The following LAMB1 variants were observed in gnomAD, a reference collection of about 807,000 sequenced individuals.
LAMB1 encodes the protein laminin subunit beta-1.
Under a neutral mutation model 222.3 loss-of-function variants are expected in LAMB1, and 121 were observed. The ratio of observed to expected loss-of-function variants is 0.54; its 90% CI spans 0.47 to 0.63. The LOEUF (loss-of-function observed/expected upper bound fraction) is 0.63. Ranked by LOEUF, LAMB1 falls within the 30% of genes least tolerant of loss-of-function variation. The pLI is 0.00. For missense variants in LAMB1, 2,172 were observed against 2,240.8 expected (o/e 0.97, Z 0.62); for synonymous variants, 794 against 807.2 (o/e 0.98, Z 0.28).
At chr7:107,928,619 G>C (rs988577799) in intron 31 of LAMB1, among the ~76,000 whole-genome samples, 3 of 151,784 alleles carry the variant, frequency 2.0e-5, no homozygotes, top group East Asian at 1.9e-4. Flanking sequence ...TAGCCTCCCA[G>C]GTAGCTGGGA....
intron 14 of LAMB1, among the ~76,000 whole-genome samples, chr7:107,964,136 G>A (rs1584511673): frequency 6.6e-6 from 1 of 152,174 alleles, no homozygotes; most frequent in East Asian, 1.9e-4. Flanking sequence ...CGTGTGGAGA[G>A]AAATGCCCAG....
At chr7:107,976,900 T>A (rs2033871280) in intron 9 of LAMB1, among the ~76,000 whole-genome samples, 3 of 72,146 alleles carry the variant, frequency 4.2e-5, no homozygotes, top group Admixed American at 2.9e-4. Context: ...CTTCCTTTCC[T>A]CTTGCTCCTT....
In LAMB1 at chr7:107,975,059, T is replaced by C; in HGVS notation, c.1409A>G (p.Asn470Ser). ...GTGACCTGTCTCGGAATCACAAGGA[T>C]TCCCTCCAGGAATTGTTCCCAGAGG... ...CNPLGTIPGG[N>S]PCDSETGHCY... The change falls in exon 12 of 34, where the codon AAT becomes AGT. Residue 470 changes from asparagine to serine, a missense_variant. Asn to Ser is a conservative substitution (Grantham distance 46). Transcript: ENST00000222399. 1 of 1,613,384 alleles carries C rather than the reference T, an allele frequency of 6.2e-7. No homozygotes were observed. Among genetic ancestry groups the C allele is most frequent in the Non-Finnish European group, 8.5e-7 (1 of 1,179,382 alleles).
chr7:107,936,985 T>A (rs2032862324), intron 26 of LAMB1, 108 bp downstream of exon 26: 2 of 943,496 alleles, frequency 2.1e-6, no homozygotes, highest in East Asian at 5.1e-5. Flanking sequence ...AGCAAAAGTT[T>A]TAAAATTTAT....
In LAMB1 at chr7:108,002,865, T is replaced by C. The variant is rs1270577148; in HGVS notation, c.21A>G (p.Leu7=). The change falls in exon 2 of 34, where the codon CTA becomes CTG. Residue 7 remains leucine (L), a synonymous_variant. Transcript: ENST00000222399. MGLLQL[L]AFSFLALCRA... ...CGGAATTACCTAAGAAACTGAAAGCTAGCAACTGGAGAAGCCCCATGCCGG... is the reference window on the plus strand; with the variant it reads ...CGGAATTACCTAAGAAACTGAAAGCCAGCAACTGGAGAAGCCCCATGCCGG... 1 of 1,613,952 alleles carries C rather than the reference T, an allele frequency of 6.2e-7. No homozygotes were observed. Among genetic ancestry groups the C allele is most frequent in the African/African-American group, 1.3e-5 (1 of 74,924 alleles).
chr7:107,994,829 A>G (rs2034253422), intron 5 of LAMB1, 58 bp downstream of exon 5: 1 of 893,142 alleles, frequency 1.1e-6, no homozygotes, highest in African/African-American at 1.7e-5. Context: ...CCATTTTGAA[A>G]GGGGACATTA....
At chr7:107,978,238 T>C (rs755861614) in intron 8 of LAMB1, 71 bp from the exon 9 acceptor site, 517 of 1,547,420 alleles carry the variant, frequency 3.3e-4, no homozygotes, top group Admixed American at 5.4e-4. Context: ...CCATAATCAA[T>C]TGAAAGTTTA....
Position 108,003,130 on chromosome 7 carries a change from C to T in LAMB1, c.-106G>A. The T allele has an allele frequency of 1.3e-6, 1 of 771,450 alleles. No homozygotes were observed. The allele number at this position is 771,450 out of a possible 1,614,324, so 47.8% of individuals were successfully genotyped here. A position where few individuals can be genotyped will look rare whatever the true frequency, so the allele number is the denominator to read the frequency against. ...CCTCACCCGGCGACGCGAGCTCTCGCCCTGCTCCGGGAGCCCCCGAGCCCA... is the reference window on the plus strand; with the variant it reads ...CCTCACCCGGCGACGCGAGCTCTCGTCCTGCTCCGGGAGCCCCCGAGCCCA... On this transcript the variant is annotated 5_prime_UTR_variant, in exon 1 of 34. Coordinates refer to ENST00000222399, the MANE Select transcript of LAMB1 (RefSeq NM_002291.3).
chr7:107,961,150 C>G, intron 17 of LAMB1, 56 bp downstream of exon 17: 1 of 1,609,864 alleles, frequency 6.2e-7, no homozygotes, highest in South Asian at 1.1e-5. Context: ...CTGAGAGCAG[C>G]TGGGCACTTT....
chr7:107,943,228 C>T (rs2116365255), intron 24 of LAMB1, among the ~76,000 whole-genome samples: 1 of 152,302 alleles, frequency 6.6e-6, no homozygotes, highest in South Asian at 2.1e-4. Flanking sequence ...CAGCATATTA[C>T]AGACTCAGAA....
Position 107,937,141 on chromosome 7 carries a change from T to C in LAMB1, c.3898A>G (p.Lys1300Glu). Reference protein sequence around the residue: ...TEAESLDNTVKELAEQLEFIK... With the variant: ...TEAESLDNTVEELAEQLEFIK... ...AATTCCAGTTGTTCAGCAAGTTCTTTCACAGTGTTGTCTAGGCTTTCGGCT... is the reference window on the plus strand; with the variant it reads ...AATTCCAGTTGTTCAGCAAGTTCTTCCACAGTGTTGTCTAGGCTTTCGGCT... The change falls in exon 26 of 34, where the codon AAA (lysine) becomes GAA (glutamate). Residue 1300 changes from lysine (K) to glutamate (E), a missense_variant. Physicochemically the swap from Lys to Glu is moderately conservative, Grantham distance 56. Transcript: ENST00000222399. 6.2e-7 allele frequency: 1 copy of C among 1,614,084 alleles called. No homozygotes were observed. The highest frequency in any genetic ancestry group is 1.3e-5 in the African/African-American group (1 of 75,054).
intron 27 of LAMB1, among the ~76,000 whole-genome samples, chr7:107,934,312 G>A (rs1383534814): frequency 6.6e-6 from 1 of 152,190 alleles, no homozygotes; most frequent in Non-Finnish European, 1.5e-5. Flanking sequence ...CTAAGACAAA[G>A]CTGTAATGAA....
At chr7:107,963,097 T>C (rs2033548595) in intron 14 of LAMB1, 34 bp from the exon 15 acceptor site, 3 of 1,525,922 alleles carry the variant, frequency 2.0e-6, no homozygotes, top group South Asian at 1.3e-5. Context: ...TATTCTGTAT[T>C]TGAAATGGAA....
At chr7:108,003,081 A>T (rs1181064027) in intron 1 of LAMB1, 30 bp downstream of exon 1, 3 of 1,211,472 alleles carry the variant, frequency 2.5e-6, no homozygotes, top group Admixed American at 5.8e-5. Flanking sequence ...GAAAGTGGGG[A>T]AAATCGTGCA....
chr7:107,939,438 A>G (rs77690124), intron 25 of LAMB1, among the ~76,000 whole-genome samples: 3,720 of 152,296 alleles, frequency 0.024, 148 homozygotes, highest in African/African-American at 0.084. Flanking sequence ...GGAGAAGCAG[A>G]AAAAACTTGA....
intron 12 of LAMB1, among the ~76,000 whole-genome samples, chr7:107,973,581 G>C (rs1479137854): frequency 1.3e-5 from 2 of 152,146 alleles, no homozygotes; most frequent in African/African-American, 4.8e-5. Context: ...AAGAGAAATG[G>C]AACAGTAGGG....
intron 8 of LAMB1, among the ~76,000 whole-genome samples, chr7:107,979,551 G>A (rs541868445): frequency 3.3e-5 from 5 of 152,236 alleles, no homozygotes; most frequent in South Asian, 2.1e-4. Context: ...GATCTCATAA[G>A]TCCTATCTGG....
chr7:107,954,381 G>A (rs1019831982), intron 21 of LAMB1, among the ~76,000 whole-genome samples: 15 of 139,334 alleles, frequency 1.1e-4, no homozygotes, highest in South Asian at 2.3e-4. Flanking sequence ...TCTTGCCCAC[G>A]CTGGTCTCTT....
At chr7:107,951,426 C>G (rs754708927) in intron 23 of LAMB1, 104 bp from the exon 24 acceptor site, 20 of 962,934 alleles carry the variant, frequency 2.1e-5, no homozygotes, top group Non-Finnish European at 2.5e-5. Context: ...AACTGTTTAC[C>G]TGAGAAGGTC....
Sources: gnomAD v4.1 joint callset for allele counts (sites outside exome capture counted in the v4.1 genomes callset) on GRCh38, gnomAD v4.1.1 for gene constraint, MANE v1.5 for transcripts, NCBI Gene and HGNC (gene_info 2026-07-23, HGNC 2026-07-21) for gene names.